The following ZNF502 variants were observed in gnomAD, a reference collection of about 807,000 sequenced individuals.
ZNF502 encodes zinc finger protein 502.
ZNF502 carries 29 observed loss-of-function variants against 43.6 expected under a neutral mutation model. The observed-to-expected ratio is 0.67, with a 90% CI of 0.50 to 0.91. The LOEUF (loss-of-function observed/expected upper bound fraction) is 0.91, where lower values mean the gene tolerates loss of function less well. Among genes scored for constraint, ZNF502 ranks in the 40% least tolerant of loss-of-function variants. The pLI, the probability that ZNF502 is intolerant of heterozygous loss-of-function variation, is 0.00. For missense variants in ZNF502, 591 were observed against 647.2 expected (o/e 0.91, Z 0.94); for synonymous variants, 171 against 207.4 (o/e 0.82, Z 1.51).
rs1237995071 is a variant in ZNF502 at position 44,721,828 on chromosome 3, CCT to C, written c.1017_1018del (p.Gln340AlafsTer6). 4 of 1,614,118 alleles carry C rather than the reference CCT, an allele frequency of 2.5e-6. No individual in the cohort carries two copies. Among genetic ancestry groups the C allele is most frequent in the Middle Eastern group, 1.6e-4 (1 of 6,062 alleles). ...CGKTFQTKAN[L>X]SQHQRIHSGE... ...GGAAAACTTTCCAAACAAAGGCAAA[CCT>C]CTCTCAGCATCAGAGAATTCATAGT... On this transcript the variant is annotated frameshift_variant, in exon 3 of 3. Transcript: ENST00000436624. LOFTEE classifies it high-confidence loss of function.
intron 1 of ZNF502, among the ~76,000 whole-genome samples, chr3:44,718,874 A>C (rs1219144188): frequency 6.6e-6 from 1 of 151,960 alleles, no homozygotes; most frequent in East Asian, 1.9e-4. Flanking sequence ...TGCTTGCATG[A>C]GTCTCTGAGT....
At chr3:44,718,571 A>T (rs992942795) in intron 1 of ZNF502, among the ~76,000 whole-genome samples, 1 of 152,124 alleles carries the variant, frequency 6.6e-6, no homozygotes, top group African/African-American at 2.4e-5. Context: ...GGTGTTTAAT[A>T]CTTGGGCATT....
At chr3:44,716,347 C>T (rs1006670308) in intron 1 of ZNF502, among the ~76,000 whole-genome samples, 1 of 151,984 alleles carries the variant, frequency 6.6e-6, no homozygotes, top group South Asian at 2.1e-4. Context: ...GCCACTGCGC[C>T]CGGCTAATTT....
Position 44,721,335 on chromosome 3 carries a change from A to T in ZNF502, c.518A>T (p.His173Leu), listed in dbSNP as rs185260708. 267 of 1,614,196 alleles carry T rather than the reference A, an allele frequency of 1.7e-4. No individual in the cohort carries two copies. The East Asian group carries it at 5.3e-3, about 32-fold the overall frequency. ...TFTQSSSLTQHQRTHTGERPY... is the reference protein window; with the variant it reads ...TFTQSSSLTQLQRTHTGERPY... ...ACTCAGAGCTCATCCCTTACCCAAC[A>T]TCAGAGAACTCATACTGGAGAGAGA... Residue 173 changes from histidine (H) to leucine (L), a missense_variant, in exon 3 of 3, where the codon CAT (histidine) becomes CTT (leucine). His to Leu is a moderately conservative substitution (Grantham distance 99, BLOSUM62 -3). Coordinates refer to ENST00000436624, the MANE Select transcript of ZNF502 (RefSeq NM_001134442.3).
At position 44,721,771 on chromosome 3, in the gene ZNF502, T is replaced by TG; in HGVS notation, c.958dup (p.Glu320GlyfsTer5). 1 of 1,613,700 alleles carries TG rather than the reference T, an allele frequency of 6.2e-7. No homozygotes were observed. The highest frequency in any genetic ancestry group is 8.5e-7 in the Non-Finnish European group (1 of 1,179,776). On this transcript the variant is annotated frameshift_variant, in exon 3 of 3. Transcript: ENST00000436624. LOFTEE classifies it high-confidence loss of function. Reference sequence around the variant, plus strand: ...TTACGCAACATCAGAGAATTCACACTGGGGAAAAACCCCATAAATGTGACG... The same window carrying TG: ...TTACGCAACATCAGAGAATTCACACTGGGGGAAAAACCCCATAAATGTGACG...
At chr3:44,716,856 A>G (rs1253744165) in intron 1 of ZNF502, among the ~76,000 whole-genome samples, 2 of 152,042 alleles carry the variant, frequency 1.3e-5, no homozygotes, top group Non-Finnish European at 2.9e-5. Flanking sequence ...GGCCTGTTGT[A>G]ATTCTTGGTG....
chr3:44,717,201 G>A (rs1010593477), intron 1 of ZNF502, among the ~76,000 whole-genome samples: 6 of 151,728 alleles, frequency 4.0e-5, no homozygotes, highest in Non-Finnish European at 7.4e-5. Context: ...TATAGTAATC[G>A]CACTTTTTTT....
intron 1 of ZNF502, among the ~76,000 whole-genome samples, chr3:44,715,422 C>T (rs59805035): frequency 1.2e-3 from 178 of 152,218 alleles, no homozygotes; most frequent in African/African-American, 4.0e-3. Flanking sequence ...CTCTGGCCAT[C>T]TCTGATTATG....
In ZNF502 at chr3:44,722,199, A is replaced by C; in HGVS notation, c.1382A>C (p.Lys461Thr). Residue 461 changes from lysine to threonine, a missense_variant, in exon 3 of 3, where the codon AAG (lysine) becomes ACG (threonine). Physicochemically the swap from Lys to Thr is moderately conservative, Grantham distance 78. Coordinates refer to ENST00000436624, the MANE Select transcript of ZNF502 (RefSeq NM_001134442.3). ...CATATGAGAATTCATACTGGAGAGA[A>C]GCCCTATAAATGTAAAGAATGTGGG... The part of the protein sequence containing the change: ...TQHMRIHTGE[K>T]PYKCKECGKA... 1 of 1,614,182 alleles carries C rather than the reference A, an allele frequency of 6.2e-7. No homozygotes were observed. Among genetic ancestry groups the C allele is most frequent in the Non-Finnish European group, 8.5e-7 (1 of 1,180,042 alleles).
intron 1 of ZNF502, among the ~76,000 whole-genome samples, chr3:44,717,405 C>CTTTTT (rs34497930): frequency 2.2e-4 from 17 of 76,024 alleles, no homozygotes; most frequent in Admixed American, 3.4e-4. Flanking sequence ...GTGATGCAAT[C>CTTTTT]TTTTTTTTTT....
In ZNF502 at chr3:44,721,187, G is replaced by A. The variant is rs1704315439; in HGVS notation, c.370G>A (p.Glu124Lys). 1.2e-6 allele frequency: 2 copies of A among 1,614,142 alleles called. No individual in the cohort carries two copies. Among genetic ancestry groups the A allele is most frequent in the African/African-American group, 1.3e-5 (1 of 75,056 alleles). ...TACACGTCTCAGGGTTTCTACAGAA[G>A]AGAGTCTGCATCAGTGGGAAACAAG... is the stretch of plus-strand genomic sequence containing the variant. ...LVTRLRVSTE[E>K]SLHQWETSNI... Residue 124 changes from glutamate (E) to lysine (K), a missense_variant, in exon 3 of 3, where the codon GAG (glutamate) becomes AAG (lysine). Transcript: ENST00000436624.
intron 1 of ZNF502, among the ~76,000 whole-genome samples, chr3:44,713,807 C>A (rs533155353): frequency 6.6e-6 from 1 of 151,770 alleles, no homozygotes; most frequent in African/African-American, 2.4e-5. Flanking sequence ...CGCGAACTCC[C>A]AACCTCAAGT....
chr3:44,718,476 C>G (rs1170412608), intron 1 of ZNF502, among the ~76,000 whole-genome samples: 1 of 152,202 alleles, frequency 6.6e-6, no homozygotes, highest in Non-Finnish European at 1.5e-5. Flanking sequence ...TTATGGCTTT[C>G]TCTTCACTTT....
In ZNF502 at chr3:44,722,529, G is replaced by A. The variant is rs1158776858; in HGVS notation, c.*77G>A. ...GACTGGGAGTAGAGGGGCAGGTAGA[G>A]TTCCTGGAGGGAAGGATGAAGGAGC... is the stretch of plus-strand genomic sequence containing the variant. On this transcript the variant is annotated 3_prime_UTR_variant, in exon 3 of 3. Transcript: ENST00000436624. The A allele has an allele frequency of 1.1e-5, 17 of 1,498,602 alleles. No individual in the cohort carries two copies. Among genetic ancestry groups the A allele is most frequent in the African/African-American group, 2.8e-5 (2 of 71,552 alleles). 92.8% of individuals were successfully genotyped at this position (1,498,602 alleles called of 1,614,324 possible).
chr3:44,715,956 T>A (rs1704132472), intron 1 of ZNF502, among the ~76,000 whole-genome samples: 2 of 152,180 alleles, frequency 1.3e-5, no homozygotes, highest in African/African-American at 4.8e-5. Context: ...TTTTTCCCAA[T>A]AAACACATAT....
In ZNF502 at chr3:44,722,497, C is replaced by T. The variant is rs181318965; in HGVS notation, c.*45C>T. On this transcript the variant is annotated 3_prime_UTR_variant, in exon 3 of 3. Transcript: ENST00000436624. ...ACAGTTTCTCTAGCGAGGATGACTA[C>T]GAATCTGACTGGGAGTAGAGGGGCA... 7.2e-5 allele frequency: 112 copies of T among 1,557,298 alleles called. No individual in the cohort carries two copies. The highest frequency in any genetic ancestry group is 6.2e-4 in the Middle Eastern group (3 of 4,826).
chr3:44,721,115 C>G lies in ZNF502; in HGVS notation c.298C>G (p.Gln100Glu), dbSNP rs746916887. Reference sequence around the variant, plus strand: ...AGAAGCACCCCCTGAAATTATTAGTCAAGGATATAATTTTGAGAAAAGCTT... The same window carrying G: ...AGAAGCACCCCCTGAAATTATTAGTGAAGGATATAATTTTGAGAAAAGCTT... ...HKEAPPEIIS[Q>E]GYNFEKSLLL... Residue 100 changes from glutamine (Q) to glutamate (E), a missense_variant, in exon 3 of 3, where the codon CAA becomes GAA. By Grantham distance (29) the Gln-to-Glu change is conservative. Transcript: ENST00000436624. 6 of 1,614,112 alleles carry G rather than the reference C, an allele frequency of 3.7e-6. No homozygotes were observed. In the Admixed American group the frequency reaches 8.3e-5, roughly 22 times the overall value.
In ZNF502 at chr3:44,720,253, G is replaced by C. The variant is rs777955950; in HGVS notation, c.-9G>C. On this transcript the variant is annotated 5_prime_UTR_variant, in exon 2 of 3. Coordinates refer to ENST00000436624, the MANE Select transcript of ZNF502 (RefSeq NM_001134442.3). ...TGTTTTCCAATCAAAGCGAAGAGAC[G>C]ATCTGTGGATGTTGAATATGCAAGG... The C allele has an allele frequency of 6.2e-7, 1 of 1,614,070 alleles. No individual in the cohort carries two copies. Among genetic ancestry groups the C allele is most frequent in the Admixed American group, 1.7e-5 (1 of 60,022 alleles).
chr3:44,717,402 A>G (rs974393581), intron 1 of ZNF502, among the ~76,000 whole-genome samples: 1 of 140,392 alleles, frequency 7.1e-6, no homozygotes, highest in African/African-American at 2.6e-5. Flanking sequence ...GAAGTGATGC[A>G]ATCTTTTTTT....
Sources: allele counts gnomAD v4.1 joint callset (sites outside exome capture counted in the v4.1 genomes callset), GRCh38; gene constraint gnomAD v4.1.1; transcripts MANE v1.5; gene names NCBI Gene and HGNC (gene_info 2026-07-23, HGNC 2026-07-21).